Variants in SPINK8 observed in about 807,000 individuals in gnomAD.
SPINK8 encodes serine peptidase inhibitor Kazal type 8 (putative).
SPINK8 carries 12 observed loss-of-function variants against 14.4 expected under a neutral mutation model. The observed-to-expected ratio is 0.83, with a 90% CI of 0.53 to 1.35. The LOEUF (loss-of-function observed/expected upper bound fraction) is 1.35. SPINK8 is among the 40% of genes most tolerant of loss of function. The pLI, the probability that SPINK8 is intolerant of heterozygous loss-of-function variation, is 0.00. For missense variants in SPINK8, 103 were observed against 117.0 expected (o/e 0.88, Z 0.55); for synonymous variants, 32 against 37.6 (o/e 0.85, Z 0.55).
At chr3:48,310,021 A>G (rs1198880243) in intron 6 of SPINK8, 75 bp from the exon 7 acceptor site, 7 of 1,283,022 alleles carry the variant, frequency 5.5e-6, no homozygotes, top group Non-Finnish European at 7.0e-6. Context: ...TTACTTGATA[A>G]TCTTTGGCTA....
intron 4 of SPINK8, among the ~76,000 whole-genome samples, chr3:48,326,169 T>C (rs192589174): frequency 1.5e-4 from 23 of 152,188 alleles, no homozygotes; most frequent in African/African-American, 5.3e-4. Context: ...CCTGTAAGCT[T>C]AGGGAGAGAA....
chr3:48,321,622 T>G (rs1033467896), intron 4 of SPINK8, among the ~76,000 whole-genome samples: 1 of 151,802 alleles, frequency 6.6e-6, no homozygotes, highest in Non-Finnish European at 1.5e-5. Flanking sequence ...TTGACCTGCC[T>G]GGCCAACATG....
chr3:48,313,079 T>C (rs574619134), intron 6 of SPINK8, among the ~76,000 whole-genome samples: 1 of 152,170 alleles, frequency 6.6e-6, no homozygotes, highest in East Asian at 1.9e-4. Context: ...CTTTGGATTT[T>C]ACAGTGGTTT....
At chr3:48,322,374 C>T (rs999861195) in intron 4 of SPINK8, among the ~76,000 whole-genome samples, 4 of 151,150 alleles carry the variant, frequency 2.6e-5, no homozygotes, top group African/African-American at 7.3e-5. Flanking sequence ...CTTGGTCTGT[C>T]GCCTAAGCTG....
intron 7 of SPINK8, among the ~76,000 whole-genome samples, chr3:48,308,599 C>A (rs968271648): frequency 1.3e-5 from 2 of 152,174 alleles, no homozygotes; most frequent in African/African-American, 4.8e-5. Context: ...TATTTGGATG[C>A]CGCACAATTC....
chr3:48,313,773 C>A (rs1366888251), intron 6 of SPINK8, among the ~76,000 whole-genome samples: 4 of 152,094 alleles, frequency 2.6e-5, no homozygotes, highest in Non-Finnish European at 5.9e-5. Flanking sequence ...GAAAACTATT[C>A]AGTAATACAA....
chr3:48,329,544 T>G (rs910482723), intron 2 of SPINK8, among the ~76,000 whole-genome samples: 1 of 152,268 alleles, frequency 6.6e-6, no homozygotes. Context: ...GCTTCAGATA[T>G]TGACACAATA....
intron 1 of SPINK8, among the ~76,000 whole-genome samples, 149 bp from the exon 2 acceptor site, chr3:48,332,620 T>G (rs952520269): frequency 2.0e-5 from 3 of 152,218 alleles, no homozygotes; most frequent in African/African-American, 7.2e-5. Context: ...GGGAACTGCC[T>G]GCTGGCCTGT....
In SPINK8 at chr3:48,319,563, C is replaced by T. The variant is rs201116750; in HGVS notation, c.173G>A (p.Ser58Asn). Residue 58 changes from serine to asparagine, a missense_variant, in exon 6 of 8, where the codon AGT becomes AAT. Transcript: ENST00000434006. ...CTGGTCACTGCCACAAATAGGTTCA[C>T]TGGGCTTGATGTAGGATAAAAACCA... ...KCWFLSYIKP[S>N]EPICGSDQVT... The T allele has an allele frequency of 5.3e-5, 85 of 1,613,874 alleles. No homozygotes were observed. The African/African-American group carries it at 9.5e-4, about 18-fold the overall frequency.
chr3:48,327,712 T>C (rs766338709), intron 4 of SPINK8, among the ~76,000 whole-genome samples: 1 of 152,018 alleles, frequency 6.6e-6, no homozygotes, highest in African/African-American at 2.4e-5. Context: ...TCATGAAAAA[T>C]AGTTTTCAGC....
intron 2 of SPINK8, among the ~76,000 whole-genome samples, chr3:48,331,780 G>C (rs530346664): frequency 3.9e-5 from 6 of 152,348 alleles, no homozygotes; most frequent in African/African-American, 1.4e-4. Context: ...GTGACTGCCT[G>C]TCCTAGGACC....
At chr3:48,312,989 T>A (rs2035942051) in intron 6 of SPINK8, among the ~76,000 whole-genome samples, 1 of 96,108 alleles carries the variant, frequency 1.0e-5, no homozygotes. Flanking sequence ...AGAGTCAGAC[T>A]CTGTCTCAAA....
intron 6 of SPINK8, among the ~76,000 whole-genome samples, chr3:48,312,673 A>G (rs552244557): frequency 1.3e-5 from 2 of 151,956 alleles, no homozygotes; most frequent in South Asian, 2.1e-4. Context: ...TTAGACCTCT[A>G]TCTCACACCA....
chr3:48,315,811 A>C (rs781473920), intron 6 of SPINK8, among the ~76,000 whole-genome samples: 13 of 151,768 alleles, frequency 8.6e-5, no homozygotes, highest in Non-Finnish European at 1.8e-4. Context: ...TGTCTCACCA[A>C]ATAGCGAATA....
At chr3:48,317,436 C>T (rs2036007870) in intron 6 of SPINK8, among the ~76,000 whole-genome samples, 2 of 151,782 alleles carry the variant, frequency 1.3e-5, no homozygotes, top group South Asian at 2.1e-4. Context: ...TGCAGTGAGC[C>T]GAGACCACAG....
intron 4 of SPINK8, 132 bp from the exon 5 acceptor site, chr3:48,321,206 T>C: frequency 2.6e-6 from 2 of 759,990 alleles, no homozygotes; most frequent in Non-Finnish European, 4.1e-6. Context: ...GGGCTCCTCT[T>C]TGATGCAAGC....
intron 2 of SPINK8, among the ~76,000 whole-genome samples, 177 bp downstream of exon 2, chr3:48,332,189 C>A (rs961154942): frequency 2.0e-5 from 3 of 152,204 alleles, no homozygotes; most frequent in Non-Finnish European, 4.4e-5. Flanking sequence ...AGTCCACTTG[C>A]CTGAAGGCCA....
At chr3:48,321,369 A>G (rs1427318880) in intron 4 of SPINK8, among the ~76,000 whole-genome samples, 1 of 152,136 alleles carries the variant, frequency 6.6e-6, no homozygotes, top group East Asian at 1.9e-4. Context: ...ACAAATTACC[A>G]TGAATTCATT....
chr3:48,312,493 A>T (rs550307527), intron 6 of SPINK8, among the ~76,000 whole-genome samples: 1 of 151,886 alleles, frequency 6.6e-6, no homozygotes. Context: ...AAATACAAAA[A>T]TTACCCAGGC....
Sources: allele counts gnomAD v4.1 joint callset (sites outside exome capture counted in the v4.1 genomes callset), GRCh38; gene constraint gnomAD v4.1.1; transcripts MANE v1.5; gene names NCBI Gene and HGNC (gene_info 2026-07-23, HGNC 2026-07-21).